The following CSMD1 variants were observed in gnomAD, a reference collection of about 807,000 sequenced individuals.
CSMD1 encodes CUB and sushi domain-containing protein 1.
Under a neutral mutation model 417.5 loss-of-function variants are expected in CSMD1, and 213 were observed. That is an observed-to-expected ratio of 0.51 (90% CI 0.46 to 0.57). The LOEUF is 0.57. Among genes scored for constraint, CSMD1 ranks in the 20% least tolerant of loss-of-function variants. The pLI is 0.00. For missense variants in CSMD1, 6,923 were observed against 4,529.7 expected (o/e 1.53, Z -15.17); for synonymous variants, 2,862 against 1,736.8 (o/e 1.65, Z -16.11).
intron 3 of CSMD1, among the ~76,000 whole-genome samples, chr8:4,243,609 C>T (rs764400532): frequency 1.3e-5 from 2 of 152,056 alleles, no homozygotes; most frequent in Non-Finnish European, 2.9e-5. Flanking sequence ...TGACTATTTC[C>T]TTAACCACCG....
chr8:4,003,615 T>C (rs893471065), intron 4 of CSMD1, among the ~76,000 whole-genome samples: 3 of 152,326 alleles, frequency 2.0e-5, no homozygotes, highest in African/African-American at 7.2e-5. Flanking sequence ...TGCCTTCTAA[T>C]ATACATTAAA....
intron 3 of CSMD1, among the ~76,000 whole-genome samples, chr8:4,151,241 A>T (rs979530664): frequency 6.6e-6 from 1 of 152,184 alleles, no homozygotes; most frequent in East Asian, 1.9e-4. Flanking sequence ...GGTGAAGTTT[A>T]CTTGGAAAGC....
intron 10 of CSMD1, among the ~76,000 whole-genome samples, chr8:3,497,556 T>G (rs978970588): frequency 6.6e-6 from 1 of 152,148 alleles, no homozygotes; most frequent in Non-Finnish European, 1.5e-5. Context: ...AGGGTCAATA[T>G]ACCCAGCCAT....
intron 3 of CSMD1, among the ~76,000 whole-genome samples, chr8:4,359,324 C>A (rs894587813): frequency 2.0e-5 from 3 of 151,940 alleles, no homozygotes; most frequent in African/African-American, 4.8e-5. Context: ...TGTGCAGGGG[C>A]CAAATAGGTA....
intron 3 of CSMD1, among the ~76,000 whole-genome samples, chr8:4,224,131 G>A (rs1394478): frequency 1 from 152,125 of 152,308 alleles, 75,971 homozygotes; most frequent in Non-Finnish European, 1. Flanking sequence ...ATACCATGAG[G>A]ACACTTAACT....
chr8:3,558,744 C>T (rs1799334533), intron 10 of CSMD1, among the ~76,000 whole-genome samples: 1 of 151,076 alleles, frequency 6.6e-6, no homozygotes, highest in Non-Finnish European at 1.5e-5. Flanking sequence ...TTCACTCCTC[C>T]AATGATGAAT....
chr8:4,069,656 G>A lies in CSMD1; in HGVS notation c.416-37557C>T, dbSNP rs1034034094. Among the ~76,000 whole-genome samples the A allele has an allele frequency of 1.3e-4, 20 of 152,084 alleles. 1 individual carries two copies. The highest frequency in any genetic ancestry group is 2.1e-4 in the Non-Finnish European group (14 of 68,024). Reference sequence around the variant, plus strand: ...AAGCCTCTGCAGCTTCCTGGGCCATGGCTCCTGTTTCTCCGACTGGATTGC... The same window carrying A: ...AAGCCTCTGCAGCTTCCTGGGCCATAGCTCCTGTTTCTCCGACTGGATTGC... On this transcript the variant is annotated intron_variant, in intron 3 of 69. Coordinates refer to ENST00000635120, the MANE Select transcript of CSMD1 (RefSeq NM_033225.6).
At chr8:3,226,106 G>A (rs1585711979) in intron 27 of CSMD1, among the ~76,000 whole-genome samples, 1 of 152,262 alleles carries the variant, frequency 6.6e-6, no homozygotes, top group Admixed American at 6.5e-5. Context: ...CACACCGTTG[G>A]GGGCGATAAA....
chr8:4,331,871 T>G (rs1038024384), intron 3 of CSMD1, among the ~76,000 whole-genome samples: 1 of 152,126 alleles, frequency 6.6e-6, no homozygotes, highest in Admixed American at 6.6e-5. Context: ...AAAAAATACA[T>G]AATACATAGC....
intron 55 of CSMD1, 113 bp from the exon 56 acceptor site, chr8:2,974,737 T>G (rs2128934924): frequency 1.6e-6 from 1 of 614,060 alleles, no homozygotes; most frequent in East Asian, 3.2e-5. Context: ...GAAAAACACC[T>G]AAATATTCTG....
chr8:3,813,890 T>C lies in CSMD1; in HGVS notation c.819-59848A>G, dbSNP rs567293310. 1.2e-4 allele frequency among the ~76,000 whole-genome samples: 18 copies of C among 152,314 alleles called. No individual in the cohort carries two copies. The South Asian group carries it at 2.9e-3, about 25-fold the overall frequency. ...GAAAAAGAAGAGAAAGTGATCGCTT[T>C]TCCTTTTTGCTACTCTTCTTACTTG... On this transcript the variant is annotated intron_variant, in intron 5 of 69. Transcript: ENST00000635120.
chr8:3,119,915 C>A (rs773892055), intron 41 of CSMD1, among the ~76,000 whole-genome samples: 3 of 152,158 alleles, frequency 2.0e-5, no homozygotes, highest in African/African-American at 7.2e-5. Flanking sequence ...TCCTCACAAT[C>A]AACTGAAAAT....
At chr8:3,933,306 T>C (rs1270906145) in intron 5 of CSMD1, among the ~76,000 whole-genome samples, 1 of 152,222 alleles carries the variant, frequency 6.6e-6, no homozygotes, top group Non-Finnish European at 1.5e-5. Context: ...AATATATTTA[T>C]TTGTTAACTG....
chr8:3,447,039 A>C lies in CSMD1; in HGVS notation c.1561+21673T>G, dbSNP rs539860475. 3.3e-5 allele frequency among the ~76,000 whole-genome samples: 5 copies of C among 152,348 alleles called. No individual in the cohort carries two copies. The South Asian group carries it at 1.0e-3, about 32-fold the overall frequency. On this transcript the variant is annotated intron_variant, in intron 12 of 69. Coordinates refer to ENST00000635120, the MANE Select transcript of CSMD1 (RefSeq NM_033225.6). ...GTTATTTCATTTTCAGGAAGACAGA[A>C]AATTCTTAATAAAATTAAAACACAG...
chr8:3,601,820 T>C (rs1801374134), intron 8 of CSMD1, among the ~76,000 whole-genome samples: 2 of 152,202 alleles, frequency 1.3e-5, no homozygotes, highest in South Asian at 2.1e-4. Flanking sequence ...GAATCTCAAA[T>C]GATTCATTCT....
intron 1 of CSMD1, among the ~76,000 whole-genome samples, chr8:4,963,779 G>A (rs557864742): frequency 8.2e-4 from 124 of 152,112 alleles, no homozygotes; most frequent in African/African-American, 3.0e-3. Context: ...GACTTTCATG[G>A]CAACGTCAAA....
chr8:4,769,714 C>T (rs1796508748), intron 1 of CSMD1, among the ~76,000 whole-genome samples: 1 of 152,218 alleles, frequency 6.6e-6, no homozygotes, highest in Non-Finnish European at 1.5e-5. Context: ...AGGTGGGAAA[C>T]GAAGTGAAGT....
chr8:3,289,982 C>A (rs959197419), intron 25 of CSMD1, among the ~76,000 whole-genome samples: 1 of 147,342 alleles, frequency 6.8e-6, no homozygotes, highest in Non-Finnish European at 1.5e-5. Context: ...AGTCTTTAAT[C>A]CATCTTGAAT....
rs369080602 is a variant in CSMD1, at chr8:3,866,229, G to A, written c.819-112187C>T. Among the ~76,000 whole-genome samples, 60 of 152,210 alleles carry A rather than the reference G, an allele frequency of 3.9e-4. No individual in the cohort carries two copies. The East Asian group carries it at 0.01, about 25-fold the overall frequency. Reference sequence around the variant, plus strand: ...CATTATTCCTAATTCTAGTTTTGTTGCCACAGATTTTGAATACCATTTGTA... The same window carrying A: ...CATTATTCCTAATTCTAGTTTTGTTACCACAGATTTTGAATACCATTTGTA... On this transcript the variant is annotated intron_variant, in intron 5 of 69. Transcript: ENST00000635120.
Sources: allele counts gnomAD v4.1 joint callset (sites outside exome capture counted in the v4.1 genomes callset), GRCh38; gene constraint gnomAD v4.1.1; transcripts MANE v1.5; gene names NCBI Gene and HGNC (gene_info 2026-07-23, HGNC 2026-07-21).